LRCH1: variants seen among roughly 807,000 people sequenced by gnomAD.
The protein encoded by LRCH1 is leucine rich repeats and calponin homology domain containing 1.
In LRCH1, 23 loss-of-function variants were observed where a neutral mutation model predicts 94.9. The ratio of observed to expected loss-of-function variants is 0.24; its 90% CI spans 0.17 to 0.34. LRCH1 has a LOEUF of 0.34. Among genes scored for constraint, LRCH1 ranks in the 10% least tolerant of loss-of-function variants. The pLI is 1.00. For synonymous variants in LRCH1, 364 were observed against 354.9 expected, an observed-to-expected ratio of 1.03 and a Z score of -0.29; for missense variants, 790 against 945.9, an observed-to-expected ratio of 0.84 and a Z score of 2.16.
intron 1 of LRCH1, among the ~76,000 whole-genome samples, chr13:46,582,408 C>G (rs1449549561): frequency 9.1e-6 from 1 of 110,270 alleles, no homozygotes; most frequent in Non-Finnish European, 1.7e-5. Context: ...TTTCATCTCT[C>G]CAGTGGCTGA....
At chr13:46,701,330 A>C (rs1159531915) in intron 11 of LRCH1, 123 bp downstream of exon 11, 1 of 612,750 alleles carries the variant, frequency 1.6e-6, no homozygotes. Flanking sequence ...CTACTAACAA[A>C]GAAAAGTCAT....
rs562569161 is a variant in LRCH1, at chr13:46,715,633, C to T, written c.1728C>T (p.Tyr576=). The change falls in exon 16 of 20, where the codon TAC becomes TAT. Residue 576 remains tyrosine (Y), a synonymous_variant. Coordinates refer to ENST00000389797, the MANE Select transcript of LRCH1 (RefSeq NM_001164211.2). ...TQAQTWDSSS[Y]SVPSEGDSDN... ...CACAGACATGGGACAGCTCTAGCTA[C>T]AGTGTTCCATCTGAAGGAGACAGTG... The T allele has an allele frequency of 6.5e-7, 1 of 1,536,838 alleles. No homozygotes were observed. Among genetic ancestry groups the T allele is most frequent in the Admixed American group, 2.0e-5 (1 of 50,998 alleles).
At chr13:46,694,094 A>G (rs1475462205) in intron 8 of LRCH1, among the ~76,000 whole-genome samples, 4 of 152,246 alleles carry the variant, frequency 2.6e-5, no homozygotes, top group African/African-American at 9.6e-5. Flanking sequence ...ATTCATATAA[A>G]GTTAGTAATA....
chr13:46,559,821 G>A (rs1253804182), intron 1 of LRCH1, among the ~76,000 whole-genome samples: 1 of 152,026 alleles, frequency 6.6e-6, no homozygotes, highest in African/African-American at 2.4e-5. Flanking sequence ...TTGATACTAG[G>A]CCACAAATTA....
intron 2 of LRCH1, among the ~76,000 whole-genome samples, chr13:46,657,776 G>A (rs1216859): frequency 0.54 from 75,029 of 139,322 alleles, 20,325 homozygotes; most frequent in East Asian, 0.61. Flanking sequence ...TGATCTGCCC[G>A]CCTTGGCCTC....
Position 46,705,150 on chromosome 13 carries a change from G to T in LRCH1, c.1483G>T (p.Ala495Ser), listed in dbSNP as rs1871687852. 3 of 1,606,600 alleles carry T rather than the reference G, an allele frequency of 1.9e-6. No individual in the cohort carries two copies. The highest frequency in any genetic ancestry group is 1.7e-5 in the Admixed American group (1 of 59,220). ...SAEALELQDS[A>S]LNGQIQLETS... ...AGAAGCCTTAGAATTACAAGATTCT[G>T]CACTGAAGTATGCTTGCCTTTTATA... The change falls in exon 12 of 20, where the codon GCA becomes TCA. Residue 495 changes from alanine to serine, a missense_variant. By Grantham distance (99) the Ala-to-Ser change is moderately conservative. Coordinates refer to ENST00000389797, the MANE Select transcript of LRCH1 (RefSeq NM_001164211.2).
chr13:46,701,979 A>T (rs761227243), intron 11 of LRCH1, among the ~76,000 whole-genome samples: 1 of 152,212 alleles, frequency 6.6e-6, no homozygotes, highest in African/African-American at 2.4e-5. Flanking sequence ...GCTGATGAGA[A>T]TATACCACCT....
rs953562254 is a variant in LRCH1, at chr13:46,699,000, C to A, written c.1246-336C>A. ...TGGCAGCAAGCATTCTGCTTTCTGTCTGGATGAATTTGATTACTGTAGACA... is the reference window on the plus strand; with the variant it reads ...TGGCAGCAAGCATTCTGCTTTCTGTATGGATGAATTTGATTACTGTAGACA... On this transcript the variant is annotated intron_variant, in intron 9 of 19. Transcript: ENST00000389797. Among the ~76,000 whole-genome samples, 7 of 152,330 alleles carry A rather than the reference C, an allele frequency of 4.6e-5. 1 individual carries two copies. In the South Asian group the frequency reaches 1.2e-3, roughly 27 times the overall value.
chr13:46,688,019 G>T, intron 6 of LRCH1, 40 bp downstream of exon 6: 1 of 1,584,474 alleles, frequency 6.3e-7, no homozygotes, highest in Non-Finnish European at 8.6e-7. Context: ...TTTAAAATTT[G>T]CCTAGGCCAA....
chr13:46,589,260 ACTCAAGTGATC>A (rs2050471458), intron 1 of LRCH1, among the ~76,000 whole-genome samples: 1 of 151,714 alleles, frequency 6.6e-6, no homozygotes, highest in African/African-American at 2.4e-5. Context: ...CTGGTCTCAG[ACTCAAGTGATC>A]CTCCTGCCTC....
At chr13:46,668,865 C>T (rs1434552000) in intron 2 of LRCH1, among the ~76,000 whole-genome samples, 165 bp from the exon 3 acceptor site, 1 of 151,766 alleles carries the variant, frequency 6.6e-6, no homozygotes, top group East Asian at 1.9e-4. Flanking sequence ...TGTTTTCTTA[C>T]ATACTTGTCA....
chr13:46,726,009 G>A (rs995541450), intron 17 of LRCH1, among the ~76,000 whole-genome samples: 1 of 152,218 alleles, frequency 6.6e-6, no homozygotes, highest in African/African-American at 2.4e-5. Context: ...ACACAGGACA[G>A]TTCTGAAAGA....
intron 1 of LRCH1, among the ~76,000 whole-genome samples, chr13:46,607,322 A>G (rs1331806367): frequency 6.6e-6 from 1 of 152,200 alleles, no homozygotes; most frequent in Non-Finnish European, 1.5e-5. Flanking sequence ...CCACTTACAC[A>G]AACCTGTTGG....
intron 2 of LRCH1, among the ~76,000 whole-genome samples, chr13:46,660,169 G>A (rs1320867527): frequency 2.7e-5 from 4 of 150,258 alleles, no homozygotes; most frequent in Admixed American, 6.7e-5. Context: ...CCGCCACCAC[G>A]CCCGGCTAAT....
At chr13:46,587,663 T>A (rs2050450443) in intron 1 of LRCH1, among the ~76,000 whole-genome samples, 1 of 152,240 alleles carries the variant, frequency 6.6e-6, no homozygotes. Context: ...GAGTAGCTTA[T>A]TGTTATTTCT....
rs533669559 is a variant in LRCH1 at position 46,660,112 on chromosome 13, C to T, written c.453-8918C>T. ...CTGCAAGCTCCGCCTCCTTGGTTCA[C>T]GCCATTCTCCTGCCTCGGCCTCCCT... On this transcript the variant is annotated intron_variant, in intron 2 of 19. Coordinates refer to ENST00000389797, the MANE Select transcript of LRCH1 (RefSeq NM_001164211.2). Among the ~76,000 whole-genome samples, 5 of 146,876 alleles carry T rather than the reference C, an allele frequency of 3.4e-5. No individual in the cohort carries two copies. The East Asian group carries it at 1.0e-3, about 30-fold the overall frequency.
intron 11 of LRCH1, among the ~76,000 whole-genome samples, chr13:46,702,776 A>G (rs962721198): frequency 6.6e-6 from 1 of 152,224 alleles, no homozygotes; most frequent in Non-Finnish European, 1.5e-5. Context: ...CAGGCAGAAC[A>G]GAGGCTCTCC....
exon 19 of LRCH1, chr13:46,752,583 TA>T (rs1874185917): frequency 6.6e-6 from 1 of 152,222 alleles, no homozygotes; most frequent in Non-Finnish European, 1.5e-5. Context: ...CATAATGATG[TA>T]AAGAAACATT....
At chr13:46,733,568 C>A (rs994833443) in intron 18 of LRCH1, among the ~76,000 whole-genome samples, 1 of 151,908 alleles carries the variant, frequency 6.6e-6, no homozygotes, top group East Asian at 1.9e-4. Flanking sequence ...TATAAACATA[C>A]GTGTGTATAC....
Sources: gnomAD v4.1 joint callset for allele counts (sites outside exome capture counted in the v4.1 genomes callset) on GRCh38, gnomAD v4.1.1 for gene constraint, MANE v1.5 for transcripts, NCBI Gene and HGNC (gene_info 2026-07-23, HGNC 2026-07-21) for gene names.